PTPRB: variants seen among roughly 807,000 people sequenced by gnomAD.
The protein encoded by PTPRB is receptor-type tyrosine-protein phosphatase beta.
In PTPRB, 97 loss-of-function variants were observed where a neutral mutation model predicts 238.1. The ratio of observed to expected loss-of-function variants is 0.41; its 90% CI spans 0.35 to 0.48. PTPRB has a LOEUF of 0.48. Ranked by LOEUF, PTPRB falls within the 20% of genes least tolerant of loss-of-function variation. The pLI, the probability that PTPRB is intolerant of heterozygous loss-of-function variation, is 0.30. For missense variants in PTPRB, 2,292 were observed against 2,681.9 expected, an observed-to-expected ratio of 0.85 and a Z score of 3.21; for synonymous variants, 970 against 995.4, an observed-to-expected ratio of 0.97 and a Z score of 0.48.
intron 4 of PTPRB, among the ~76,000 whole-genome samples, chr12:70,603,572 G>A (rs1592575916): frequency 6.6e-6 from 1 of 152,170 alleles, no homozygotes; most frequent in Admixed American, 6.5e-5. Flanking sequence ...TGACTCTATT[G>A]TATGTTAGCT....
Position 70,571,099 on chromosome 12 carries a change from G to A in PTPRB, c.3297C>T (p.Gly1099=). The change falls in exon 13 of 34, where the codon GGC becomes GGT. Residue 1099 remains glycine (G), a synonymous_variant. Transcript: ENST00000334414. The part of the protein sequence containing the change: ...TEYRFTSLTP[G]RQYKILVLTI... ...TCAAGACAAGAATTTTGTATTGGCGGCCTGGTGTTAGGGAAGTAAATCGAT... is the reference window on the plus strand; with the variant it reads ...TCAAGACAAGAATTTTGTATTGGCGACCTGGTGTTAGGGAAGTAAATCGAT... 6.2e-7 allele frequency: 1 copy of A among 1,613,924 alleles called. No individual in the cohort carries two copies. The highest frequency in any genetic ancestry group is 2.2e-5 in the East Asian group (1 of 44,884).
At chr12:70,629,971 A>G (rs1366427798) in intron 2 of PTPRB, among the ~76,000 whole-genome samples, 1 of 152,210 alleles carries the variant, frequency 6.6e-6, no homozygotes, top group Non-Finnish European at 1.5e-5. Flanking sequence ...CCAACCAAAA[A>G]AAGTCCAGGA....
intron 7 of PTPRB, among the ~76,000 whole-genome samples, chr12:70,590,539 CCTTT>C (rs894809431): frequency 1.1e-4 from 16 of 149,148 alleles, no homozygotes; most frequent in African/African-American, 2.5e-4. Flanking sequence ...ATGAGGCATT[CCTTT>C]CTTTCTTTTC....
At chr12:70,586,301 C>T (rs1053946889) in intron 9 of PTPRB, among the ~76,000 whole-genome samples, 1 of 152,166 alleles carries the variant, frequency 6.6e-6, no homozygotes, top group Non-Finnish European at 1.5e-5. Flanking sequence ...ACATCCTCTC[C>T]AGCACCTGTT....
At position 70,569,745 on chromosome 12, in the gene PTPRB, C is replaced by T; in HGVS notation, c.3564G>A (p.Glu1188=). The part of the protein sequence containing the change: ...EHTFHRLEAG[E]QYQIMIASVS... The stretch of plus-strand genomic sequence containing the variant: ...CTGAGGCAATCATGATCTGGTACTG[C>T]TCCCCGGCCTCCAGTCTGTGGAACG... Residue 1188 remains glutamate, a synonymous_variant, in exon 14 of 34, where the codon GAG becomes GAA. Transcript: ENST00000334414. 6.2e-7 allele frequency: 1 copy of T among 1,613,910 alleles called. No individual in the cohort carries two copies. The highest frequency in any genetic ancestry group is 8.5e-7 in the Non-Finnish European group (1 of 1,179,868).
chr12:70,588,095 C>CAAAAAAAAAAAAAAAAAAAAA (rs10558140), intron 8 of PTPRB, among the ~76,000 whole-genome samples: 1 of 104,662 alleles, frequency 9.6e-6, no homozygotes, highest in Non-Finnish European at 1.9e-5. Context: ...GACTCTGTCT[C>CAAAAAAAAAAAAAAAAAAAAA]AAAAAAAAAA....
chr12:70,636,425 G>A (rs1885695686), intron 1 of PTPRB, among the ~76,000 whole-genome samples: 1 of 151,962 alleles, frequency 6.6e-6, no homozygotes, highest in African/African-American at 2.4e-5. Flanking sequence ...ATATGCTGAA[G>A]TTATGAAATG....
chr12:70,614,596 C>T (rs1884598388), intron 3 of PTPRB, among the ~76,000 whole-genome samples: 1 of 152,030 alleles, frequency 6.6e-6, no homozygotes, highest in African/African-American at 2.4e-5. Flanking sequence ...AATACTTAAG[C>T]AAAAAGGATC....
intron 5 of PTPRB, among the ~76,000 whole-genome samples, chr12:70,595,151 A>G (rs1882878657): frequency 6.6e-6 from 1 of 152,200 alleles, no homozygotes; most frequent in South Asian, 2.1e-4. Context: ...CTTTGCAGGG[A>G]CATGGATGAA....
At chr12:70,543,629 C>A (rs1431742877) in intron 22 of PTPRB, among the ~76,000 whole-genome samples, 1 of 152,134 alleles carries the variant, frequency 6.6e-6, no homozygotes, top group African/African-American at 2.4e-5. Flanking sequence ...ACAGTTTTAG[C>A]TGTAAAGAAC....
intron 19 of PTPRB, among the ~76,000 whole-genome samples, 199 bp from the exon 20 acceptor site, chr12:70,555,508 TG>T (rs1877522159): frequency 6.6e-6 from 1 of 152,220 alleles, no homozygotes; most frequent in Non-Finnish European, 1.5e-5. Context: ...GATTTGCCAG[TG>T]GCACATTAAA....
At chr12:70,559,845 T>A (rs112440092) in intron 17 of PTPRB, among the ~76,000 whole-genome samples, 24,448 of 146,150 alleles carry the variant, frequency 0.17, 1,814 homozygotes, top group African/African-American at 0.2. Context: ...TTTCACTTTT[T>A]TTTTTTTGAG....
intron 10 of PTPRB, among the ~76,000 whole-genome samples, chr12:70,579,674 C>A (rs914094554): frequency 4.6e-5 from 6 of 129,440 alleles, no homozygotes; most frequent in South Asian, 2.4e-4. Flanking sequence ...TCCAGCCTGG[C>A]GACAAAATGA....
At chr12:70,589,661 G>C in intron 8 of PTPRB, among the ~76,000 whole-genome samples, 1 of 140,220 alleles carries the variant, frequency 7.1e-6, no homozygotes, top group Non-Finnish European at 1.6e-5. Context: ...CTGATCACTA[G>C]CAAAAGGTTC....
chr12:70,527,955 T>C (rs1300225624), intron 32 of PTPRB, among the ~76,000 whole-genome samples: 1 of 152,180 alleles, frequency 6.6e-6, no homozygotes, highest in Admixed American at 6.5e-5. Flanking sequence ...AGGCAGATGA[T>C]ACTAGGTTGA....
At chr12:70,524,893 G>GTGTGTATATA (rs1872152377) in intron 32 of PTPRB, among the ~76,000 whole-genome samples, 2 of 94,844 alleles carry the variant, frequency 2.1e-5, no homozygotes, top group Middle Eastern at 8.5e-3. Flanking sequence ...ATGTATATAT[G>GTGTGTATATA]TGTATATATG....
At chr12:70,605,023 T>C (rs932230551) in intron 4 of PTPRB, among the ~76,000 whole-genome samples, 3 of 152,198 alleles carry the variant, frequency 2.0e-5, no homozygotes, top group African/African-American at 4.8e-5. Flanking sequence ...ATAGCTGATA[T>C]GGTGATTCAA....
Position 70,519,894 on chromosome 12 carries a change from T to C in PTPRB, c.*1595A>G, listed in dbSNP as rs1871486522. On this transcript the variant is annotated 3_prime_UTR_variant, in exon 34 of 34. Coordinates refer to ENST00000334414, the MANE Select transcript of PTPRB (RefSeq NM_001109754.4). The stretch of plus-strand genomic sequence containing the variant: ...AACTTCAAATAACCTTGGAAAAATT[T>C]CCAGATTGGGTGTAGAGTTATTTAA... 1 of 160,134 alleles carries C rather than the reference T, an allele frequency of 6.2e-6. No homozygotes were observed. The highest frequency in any genetic ancestry group is 1.4e-5 in the Non-Finnish European group (1 of 73,178). 9.9% of individuals were successfully genotyped at this position (160,134 alleles called of 1,614,324 possible).
At chr12:70,586,601 C>T (rs1428758059) in intron 9 of PTPRB, among the ~76,000 whole-genome samples, 1 of 152,202 alleles carries the variant, frequency 6.6e-6, no homozygotes, top group Non-Finnish European at 1.5e-5. Context: ...TCTTCCCTCT[C>T]ACTTTACATC....
Sources: gnomAD v4.1 joint callset for allele counts (sites outside exome capture counted in the v4.1 genomes callset) on GRCh38, gnomAD v4.1.1 for gene constraint, MANE v1.5 for transcripts, NCBI Gene and HGNC (gene_info 2026-07-23, HGNC 2026-07-21) for gene names.